The following MRPL45 variants were observed in gnomAD, a reference collection of about 807,000 sequenced individuals.
MRPL45 encodes mitochondrial ribosomal protein L45, also known as large ribosomal subunit protein mL45.
In MRPL45, 20 loss-of-function variants were observed where a neutral mutation model predicts 38.1. That is an observed-to-expected ratio of 0.53 (90% CI 0.37 to 0.76). The LOEUF is 0.76. MRPL45 is among the 30% of genes least tolerant of loss of function. The pLI is 0.00. For missense variants in MRPL45, 337 were observed against 395.6 expected (o/e 0.85, Z 1.26); for synonymous variants, 105 against 128.8 (o/e 0.82, Z 1.25).
At chr17:38,320,221 C>T (rs1357616639) in intron 5 of MRPL45, among the ~76,000 whole-genome samples, 1 of 152,196 alleles carries the variant, frequency 6.6e-6, no homozygotes, top group Non-Finnish European at 1.5e-5. Flanking sequence ...TCCCACTTTT[C>T]ATTGTTAATA....
At chr17:38,315,302 G>C (rs1421808423) in intron 4 of MRPL45, among the ~76,000 whole-genome samples, 1 of 152,168 alleles carries the variant, frequency 6.6e-6, no homozygotes, top group Non-Finnish European at 1.5e-5. Flanking sequence ...CCAGGCTGGA[G>C]TGAGCACAGT....
At chr17:38,310,293 T>C (rs1355157257) in intron 4 of MRPL45, among the ~76,000 whole-genome samples, 2 of 151,832 alleles carry the variant, frequency 1.3e-5, no homozygotes, top group East Asian at 1.9e-4. Flanking sequence ...TTTGTTTCTT[T>C]TGGGTTTTGG....
At chr17:38,313,693 T>C (rs949327851) in intron 4 of MRPL45, among the ~76,000 whole-genome samples, 1 of 151,668 alleles carries the variant, frequency 6.6e-6, no homozygotes, top group Non-Finnish European at 1.5e-5. Flanking sequence ...GTTGAAGTCT[T>C]GCTCTGTCGC....
At position 38,297,207 on chromosome 17, in the gene MRPL45, G is replaced by T. The variant is rs747195416; in HGVS notation, c.24G>T (p.Gly8=). ...AGATGGCAGCCCCCATACCTCAAGG[G>T]TTCTCTTGTTTATCGAGGTTTTTGG... is the stretch of plus-strand genomic sequence containing the variant. MAAPIPQ[G]FSCLSRFLGW... The change falls in exon 1 of 8, where the codon GGG becomes GGT. Residue 8 remains glycine (G), a synonymous_variant. Coordinates refer to ENST00000613675, the MANE Select transcript of MRPL45 (RefSeq NM_032351.6). 6.2e-7 allele frequency: 1 copy of T among 1,614,238 alleles called. No homozygotes were observed. Among genetic ancestry groups the T allele is most frequent in the South Asian group, 1.1e-5 (1 of 91,088 alleles).
At chr17:38,297,795 T>C (rs2036951843) in intron 1 of MRPL45, among the ~76,000 whole-genome samples, 1 of 152,212 alleles carries the variant, frequency 6.6e-6, no homozygotes, top group Non-Finnish European at 1.5e-5. Flanking sequence ...ACTTTGCTTA[T>C]GCTTTAAGCA....
chr17:38,308,982 C>T (rs1379169175), intron 4 of MRPL45, among the ~76,000 whole-genome samples: 2 of 151,696 alleles, frequency 1.3e-5, no homozygotes, highest in Admixed American at 1.3e-4. Context: ...TCTCGACTTA[C>T]TGCAACCTCC....
chr17:38,322,146 G>T lies in MRPL45; in HGVS notation c.681G>T (p.Arg227=). 6.2e-7 allele frequency: 1 copy of T among 1,614,116 alleles called. No homozygotes were observed. Among genetic ancestry groups the T allele is most frequent in the Non-Finnish European group, 8.5e-7 (1 of 1,180,004 alleles). The part of the protein sequence containing the change: ...HTRQTLAIYD[R]FGRLMYGQED... ...TGCAGACTCTGGCCATCTATGACCG[G>T]TTTGGCCGGTTGATGTATGGACAGG... is the stretch of plus-strand genomic sequence containing the variant. Residue 227 remains arginine, a synonymous_variant, in exon 7 of 8, where the codon CGG becomes CGT. Coordinates refer to ENST00000613675, the MANE Select transcript of MRPL45 (RefSeq NM_032351.6).
intron 4 of MRPL45, among the ~76,000 whole-genome samples, chr17:38,314,256 C>T (rs2037153419): frequency 6.6e-6 from 1 of 152,080 alleles, no homozygotes; most frequent in Non-Finnish European, 1.5e-5. Flanking sequence ...AGGCATGCGC[C>T]ACCATGCCTG....
At chr17:38,320,978 AT>A (rs11439385) in intron 6 of MRPL45, among the ~76,000 whole-genome samples, 104,131 of 149,554 alleles carry the variant, frequency 0.7, 41,543 homozygotes, top group East Asian at 0.9. Context: ...ACTCTTCCTG[AT>A]TTTTTTTTTT....
Position 38,309,331 on chromosome 17 carries a change from G to A in MRPL45, c.461+2700G>A, listed in dbSNP as rs184886301. Among the ~76,000 whole-genome samples, 687 of 150,492 alleles carry A rather than the reference G, an allele frequency of 4.6e-3. 3 individuals are homozygous for A. The highest frequency in any genetic ancestry group is 0.016 in the African/African-American group (666 of 41,122). ...GGAGTTCGAAACCAGCCTGGCCAATGTGGTGAAACCCTGTCTCTACTAAAA... is the reference window on the plus strand; with the variant it reads ...GGAGTTCGAAACCAGCCTGGCCAATATGGTGAAACCCTGTCTCTACTAAAA... On this transcript the variant is annotated intron_variant, in intron 4 of 7. Transcript: ENST00000613675.
Position 38,313,130 on chromosome 17 carries a change from G to A in MRPL45, c.462-5557G>A, listed in dbSNP as rs192761653. Among the ~76,000 whole-genome samples, 478 of 148,488 alleles carry A rather than the reference G, an allele frequency of 3.2e-3. 2 individuals are homozygous for A. Among genetic ancestry groups the A allele is most frequent in the African/African-American group, 0.011 (455 of 40,354 alleles). On this transcript the variant is annotated intron_variant, in intron 4 of 7. Transcript: ENST00000613675. Reference sequence around the variant, plus strand: ...CTCCCGGGTAGCTGGAACTACAGGCGCCTGCCACCACACCCGGCTAATTTT... The same window carrying A: ...CTCCCGGGTAGCTGGAACTACAGGCACCTGCCACCACACCCGGCTAATTTT...
At chr17:38,308,103 A>G (rs892003466) in intron 4 of MRPL45, among the ~76,000 whole-genome samples, 2 of 148,078 alleles carry the variant, frequency 1.4e-5, no homozygotes, top group African/African-American at 5.0e-5. Flanking sequence ...ATGGGATTTC[A>G]CCATGTTGCC....
chr17:38,319,196 C>T (rs1306000177), intron 5 of MRPL45, among the ~76,000 whole-genome samples: 1 of 151,866 alleles, frequency 6.6e-6, no homozygotes, highest in East Asian at 1.9e-4. Context: ...CCAGCACACC[C>T]GGCTAATTTT....
chr17:38,299,489 G>A (rs747826527), intron 3 of MRPL45, 21 bp downstream of exon 3: 7 of 1,563,332 alleles, frequency 4.5e-6, no homozygotes, highest in African/African-American at 4.2e-5. Flanking sequence ...GAGACAATTG[G>A]GTATTGGTAT....
chr17:38,321,243 G>A (rs1260013491), intron 6 of MRPL45, among the ~76,000 whole-genome samples: 2 of 152,192 alleles, frequency 1.3e-5, no homozygotes, highest in Non-Finnish European at 2.9e-5. Flanking sequence ...CCAAAGTGCT[G>A]GGACTATAGG....
chr17:38,316,696 A>G (rs116929531), intron 4 of MRPL45, among the ~76,000 whole-genome samples: 134,124 of 142,556 alleles, frequency 0.94, 63,167 homozygotes, highest in East Asian at 1. Context: ...TAGTCCCAGA[A>G]TCTCACTCTG....
At chr17:38,314,580 A>T (rs950936204) in intron 4 of MRPL45, among the ~76,000 whole-genome samples, 1 of 152,084 alleles carries the variant, frequency 6.6e-6, no homozygotes, top group African/African-American at 2.4e-5. Context: ...TTTCTCTAAG[A>T]TTTTTATAGT....
Position 38,322,118 on chromosome 17 carries a change from C to A in MRPL45, c.661-8C>A, listed in dbSNP as rs781220365. The A allele has an allele frequency of 6.2e-7, 1 of 1,612,394 alleles. No individual in the cohort carries two copies. The highest frequency in any genetic ancestry group is 8.5e-7 in the Non-Finnish European group (1 of 1,178,728). ...ACTAAGAGGCCAGATTTGCTTTTAT[C>A]CTTGCAGACTCTGGCCATCTATGAC... On this transcript the variant is annotated splice_polypyrimidine_tract_variant and splice_region_variant and intron_variant, in intron 6 of 7. Coordinates refer to ENST00000613675, the MANE Select transcript of MRPL45 (RefSeq NM_032351.6).
chr17:38,313,311 A>AAAATAT (rs1311544521), intron 4 of MRPL45, among the ~76,000 whole-genome samples: 1 of 7,866 alleles, frequency 1.3e-4, no homozygotes, highest in African/African-American at 4.9e-4. Context: ...AAAAAAAAAA[A>AAAATAT]ATATATATAT....
Sources: allele counts gnomAD v4.1 joint callset (sites outside exome capture counted in the v4.1 genomes callset), GRCh38; gene constraint gnomAD v4.1.1; transcripts MANE v1.5; gene names NCBI Gene and HGNC (gene_info 2026-07-23, HGNC 2026-07-21).